PCDHGB4: variants seen among roughly 807,000 people sequenced by gnomAD.
PCDHGB4 encodes the protein protocadherin gamma subfamily B, 4.
A neutral mutation model predicts 60.5 loss-of-function variants in PCDHGB4; 38 were observed. That is an observed-to-expected ratio of 0.63 (90% CI 0.48 to 0.82). The LOEUF (loss-of-function observed/expected upper bound fraction) is 0.82, where lower values mean the gene tolerates loss of function less well. PCDHGB4 is among the 40% of genes least tolerant of loss of function. PCDHGB4 has a pLI of 0.00. For missense variants in PCDHGB4, 1,109 were observed against 1,209.6 expected, an observed-to-expected ratio of 0.92 and a Z score of 1.23; for synonymous variants, 456 against 509.7, an observed-to-expected ratio of 0.89 and a Z score of 1.42.
At position 141,511,622 on chromosome 5, in the gene PCDHGB4, A is replaced by G; in HGVS notation, c.*449A>G. 4.3e-6 allele frequency: 1 copy of G among 232,852 alleles called. No individual in the cohort carries two copies. The highest frequency in any genetic ancestry group is 8.7e-6 in the Non-Finnish European group (1 of 114,994). The allele number at this position is 232,852 out of a possible 1,614,324, so 14.4% of individuals were successfully genotyped here. A position where few individuals can be genotyped will look rare whatever the true frequency, so the allele number is the denominator to read the frequency against. On this transcript the variant is annotated 3_prime_UTR_variant, in exon 4 of 4. Transcript: ENST00000519479. ...AACCTACAAGCCTCCTAGTTCTGAA[A>G]AGTTGGAAGGGCATCATGACCTCTT...
In PCDHGB4 at chr5:141,477,967, C is replaced by A; in HGVS notation, c.2398-16840C>A. The A allele has an allele frequency of 6.2e-7, 1 of 1,614,150 alleles. No individual in the cohort carries two copies. Among genetic ancestry groups the A allele is most frequent in the Non-Finnish European group, 8.5e-7 (1 of 1,180,032 alleles). On this transcript the variant is annotated intron_variant, in intron 1 of 3. Transcript: ENST00000519479. The surrounding 1 kb of genome is among the most constrained non-coding windows in gnomAD (Gnocchi z 4.9). ...GTCTCTTGGGATCCCCTAACCAGAG[C>A]CTTTTTGCCATAGGGCTGCACACTG...
intron 1 of PCDHGB4, among the ~76,000 whole-genome samples, chr5:141,457,253 T>C (rs986838327): frequency 1.4e-4 from 22 of 152,196 alleles, no homozygotes; most frequent in Admixed American, 1.4e-3. Flanking sequence ...CTTGCCAACA[T>C]ATAGAATTCC....
intron 1 of PCDHGB4, among the ~76,000 whole-genome samples, chr5:141,481,913 C>CAAAA (rs34114744): frequency 1.1e-5 from 1 of 90,846 alleles, no homozygotes; most frequent in African/African-American, 4.2e-5. Context: ...AACTCCATCT[C>CAAAA]AAAAAAAAAA....
rs34152666 is a variant in PCDHGB4 at position 141,428,860 on chromosome 5, C to CT, written c.2397+38592dup. 6.7e-4 allele frequency: 98 copies of CT among 145,544 alleles called. 1 individual carries two copies. The highest frequency in any genetic ancestry group is 1.4e-3 in the East Asian group (7 of 4,990). 9.0% of individuals were successfully genotyped at this position (145,544 alleles called of 1,614,324 possible). On this transcript the variant is annotated intron_variant, in intron 1 of 3. Transcript: ENST00000519479. ...ACATTTTCACCATTTTTACGGGAGA[C>CT]TTTTTTTTTTTTTGGACGGAGTCTC...
At chr5:141,507,171 C>T (rs183042063) in intron 3 of PCDHGB4, 3 of 152,462 alleles carry the variant, frequency 2.0e-5, no homozygotes, top group South Asian at 2.1e-4. Context: ...AGGCTGTCCT[C>T]TTCCTCGAGC....
At position 141,399,393 on chromosome 5, in the gene PCDHGB4, C is replaced by G. The variant is rs762678347; in HGVS notation, c.2397+9112C>G. 28 of 1,613,976 alleles carry G rather than the reference C, an allele frequency of 1.7e-5. No homozygotes were observed. In the Middle Eastern group the frequency reaches 2.8e-3, roughly 162 times the overall value. ...ACAATGTCACCATCACAGCCACAGA[C>G]AGGGGCAAGCCGCCCCTCTCCTCCA... On this transcript the variant is annotated intron_variant, in intron 1 of 3. Transcript: ENST00000519479.
chr5:141,467,268 G>C lies in PCDHGB4; in HGVS notation c.2398-27539G>C, dbSNP rs1195615721. On this transcript the variant is annotated intron_variant, in intron 1 of 3. Transcript: ENST00000519479. The stretch of plus-strand genomic sequence containing the variant: ...GGGTTTCACCATGTTGGCCAGGCTG[G>C]TCTCGAACTCTTGACCTCAAGTGAT... Among the ~76,000 whole-genome samples, 3 of 152,030 alleles carry C rather than the reference G, an allele frequency of 2.0e-5. No homozygotes were observed. The South Asian group carries it at 6.2e-4, about 32-fold the overall frequency.
intron 1 of PCDHGB4, chr5:141,478,104 C>T (rs1440105341): frequency 6.2e-7 from 1 of 1,614,118 alleles, no homozygotes; most frequent in South Asian, 1.1e-5. Flanking sequence ...GCTACCCTCA[C>T]TGTGTCAGTA....
At chr5:141,474,241 G>A (rs1367530484) in intron 1 of PCDHGB4, among the ~76,000 whole-genome samples, 8 of 151,928 alleles carry the variant, frequency 5.3e-5, no homozygotes, top group East Asian at 1.9e-4. Context: ...TGCTGAATAG[G>A]GGAAAAAAAG....
chr5:141,463,438 CTTTTTTT>C (rs71576115), intron 1 of PCDHGB4, among the ~76,000 whole-genome samples: 1 of 103,252 alleles, frequency 9.7e-6, no homozygotes, highest in Non-Finnish European at 1.9e-5. Flanking sequence ...TTTCCTTCTC[CTTTTTTT>C]TTTTTTTTTT....
At chr5:141,510,534 C>T (rs1187165551) in intron 3 of PCDHGB4, among the ~76,000 whole-genome samples, 2 of 152,126 alleles carry the variant, frequency 1.3e-5, no homozygotes, top group African/African-American at 2.4e-5. Context: ...AGAGAAATAC[C>T]AGCGAATGTG....
intron 1 of PCDHGB4, among the ~76,000 whole-genome samples, chr5:141,452,529 G>A (rs758947494): frequency 1.3e-5 from 2 of 152,176 alleles, no homozygotes; most frequent in Non-Finnish European, 2.9e-5. Context: ...AAAATCGTGA[G>A]TTCATATTGA....
At position 141,390,233 on chromosome 5, in the gene PCDHGB4, T is replaced by C. The variant is rs1388812754; in HGVS notation, c.2349T>C (p.Ser783=). Residue 783 remains serine, a synonymous_variant, in exon 1 of 4, where the codon TCT becomes TCC. Transcript: ENST00000519479. ...AAGACATACTTTGCGGTGATTCATC[T>C]GGGGCCTTATTTCCACTTTGTAATT... ...SGQDILCGDS[S]GALFPLCNSS... is the part of the protein sequence containing the mutation. 6.2e-7 allele frequency: 1 copy of C among 1,614,068 alleles called. No individual in the cohort carries two copies. The highest frequency in any genetic ancestry group is 8.5e-7 in the Non-Finnish European group (1 of 1,179,898).
intron 2 of PCDHGB4, 34 bp from the exon 3 acceptor site, chr5:141,505,359 G>T: frequency 1.9e-6 from 3 of 1,613,870 alleles, no homozygotes; most frequent in Non-Finnish European, 2.5e-6. Context: ...TGCCGGCCTG[G>T]GAGTCTGTGC....
At chr5:141,468,024 T>C (rs1386255481) in intron 1 of PCDHGB4, among the ~76,000 whole-genome samples, 1 of 152,046 alleles carries the variant, frequency 6.6e-6, no homozygotes, top group African/African-American at 2.4e-5. Flanking sequence ...TGAAGTAAAA[T>C]ACTTCATTTA....
rs369791160 is a variant in PCDHGB4 at position 141,431,269 on chromosome 5, C to G, written c.2397+40988C>G. On this transcript the variant is annotated intron_variant, in intron 1 of 3. Transcript: ENST00000519479. This position sits in a 1 kb window ranked among gnomAD's most constrained non-coding sequence, Gnocchi z 4.8. ...TCGGGAAGAACTCTCTGCAGAGCTA[C>G]GAGCTCAGCCCGAACACTCACTTCT... 1.4e-5 allele frequency: 22 copies of G among 1,614,034 alleles called. No individual in the cohort carries two copies. The highest frequency in any genetic ancestry group is 2.7e-5 in the African/African-American group (2 of 74,954).
intron 1 of PCDHGB4, chr5:141,393,331 GC>G (rs3214276): frequency 0.09 from 144,732 of 1,613,856 alleles, 7,527 homozygotes; most frequent in African/African-American, 0.18. Flanking sequence ...TACCAGCTCA[GC>G]CCCAATCACC....
At chr5:141,420,386 AT>A (rs2096493306) in intron 1 of PCDHGB4, 1 of 1,284,798 alleles carries the variant, frequency 7.8e-7, no homozygotes, top group African/African-American at 1.5e-5. Flanking sequence ...AGTTCGCAAA[AT>A]ATAGGTCAAA....
rs1385408442 is a variant in PCDHGB4 at position 141,487,321 on chromosome 5, T to A, written c.2398-7486T>A. 1 of 1,614,198 alleles carries A rather than the reference T, an allele frequency of 6.2e-7. No homozygotes were observed. The highest frequency in any genetic ancestry group is 1.7e-5 in the Admixed American group (1 of 60,032). ...TCGTGGCACTACTCTCTAAGTGTCT[T>A]CGTGGGGCAGCCTGTGGAGTCACAT... is the stretch of plus-strand genomic sequence containing the variant. On this transcript the variant is annotated intron_variant, in intron 1 of 3. Transcript: ENST00000519479. This position sits in a 1 kb window ranked among gnomAD's most constrained non-coding sequence, Gnocchi z 5.0.
Sources: gnomAD v4.1 joint callset for allele counts (sites outside exome capture counted in the v4.1 genomes callset) on GRCh38, gnomAD v4.1.1 for gene constraint, Gnocchi (gnomAD v3.1) non-coding constraint, MANE v1.5 for transcripts, NCBI Gene and HGNC (gene_info 2026-07-23, HGNC 2026-07-21) for gene names.